ACAD11: variants seen among roughly 807,000 people sequenced by gnomAD.
ACAD11 encodes the protein acyl-Coenzyme A dehydrogenase family, member 11.
A neutral mutation model predicts 102.2 loss-of-function variants in ACAD11; 83 were observed. The ratio of observed to expected loss-of-function variants is 0.81; its 90% confidence interval spans 0.68 to 0.97. The LOEUF is 0.97. Ranked by LOEUF, ACAD11 falls within the 50% of genes least tolerant of loss-of-function variation. The probability of loss-of-function intolerance (pLI) is 0.00; values close to 1 mark genes in which losing one functional copy is unlikely to be tolerated. For missense variants in ACAD11, 901 were observed against 951.7 expected (o/e 0.95, Z 0.70); for synonymous variants, 324 against 319.8 (o/e 1.01, Z -0.14).
rs201936885 is a variant in ACAD11 at position 132,641,546 on chromosome 3, AATG to A, written c.537+423_537+425del. On this transcript the variant is annotated intron_variant, in intron 4 of 19. Transcript: ENST00000264990. ...GCAACAGAGGGAGACTCTGTCTCAA[AATG>A]ATGATGATGATGAAGAAGAAGAAGA... Among the ~76,000 whole-genome samples, 55 of 131,604 alleles carry A rather than the reference AATG, an allele frequency of 4.2e-4. 1 individual carries two copies. Among genetic ancestry groups the A allele is most frequent in the Non-Finnish European group, 7.0e-4 (45 of 63,836 alleles). The allele number at this position is 131,604 out of a possible 152,430, so 86.3% of individuals were successfully genotyped here. A position where few individuals can be genotyped will look rare whatever the true frequency, so the allele number is the denominator to read the frequency against.
intron 15 of ACAD11, 66 bp downstream of exon 15, chr3:132,578,730 T>C: frequency 1.3e-6 from 2 of 1,541,674 alleles, no homozygotes; most frequent in Non-Finnish European, 1.8e-6. Flanking sequence ...GCTATTGCCT[T>C]CAATGTTACT....
chr3:132,648,552 A>G (rs1263160339), intron 1 of ACAD11: 2 of 152,054 alleles, frequency 1.3e-5, no homozygotes, highest in Non-Finnish European at 2.9e-5. Flanking sequence ...GGAACTGGAA[A>G]AAAAAAAAAG....
intron 17 of ACAD11, among the ~76,000 whole-genome samples, chr3:132,568,464 T>C (rs1403693574): frequency 6.6e-6 from 1 of 152,132 alleles, no homozygotes; most frequent in East Asian, 1.9e-4. Flanking sequence ...AGTAAAGATA[T>C]CAATTTTTCT....
At position 132,600,227 on chromosome 3, in the gene ACAD11, T is replaced by C. The variant is rs574430457; in HGVS notation, c.1621+3002A>G. ...AACTAATCTTGGGGTCATATTCCAATGTGGCTCCCATTAAAGCATTTCAAA... is the reference window on the plus strand; with the variant it reads ...AACTAATCTTGGGGTCATATTCCAACGTGGCTCCCATTAAAGCATTTCAAA... On this transcript the variant is annotated intron_variant, in intron 13 of 19. Transcript: ENST00000264990. Among the ~76,000 whole-genome samples, 36 of 152,342 alleles carry C rather than the reference T, an allele frequency of 2.4e-4. No individual in the cohort carries two copies. The South Asian group carries it at 2.9e-3, about 12-fold the overall frequency.
At chr3:132,594,576 T>G (rs541117939) in intron 13 of ACAD11, among the ~76,000 whole-genome samples, 1 of 152,168 alleles carries the variant, frequency 6.6e-6, no homozygotes, top group Admixed American at 6.6e-5. Flanking sequence ...ATAAGATAGC[T>G]ATGGAAGATA....
chr3:132,578,757 C>T (rs199733640), intron 15 of ACAD11, 39 bp downstream of exon 15: 2 of 1,604,988 alleles, frequency 1.2e-6, no homozygotes, highest in Non-Finnish European at 8.5e-7. Flanking sequence ...TCTAGCCTTC[C>T]TGCTTGCTAA....
chr3:132,563,897 T>C (rs11928626), intron 17 of ACAD11, among the ~76,000 whole-genome samples: 3,540 of 152,298 alleles, frequency 0.023, 133 homozygotes, highest in African/African-American at 0.08. Flanking sequence ...TCATTAAGTA[T>C]GATGTTAGAT....
At chr3:132,658,657 T>C (rs1937947758) in intron 1 of ACAD11, among the ~76,000 whole-genome samples, 1 of 152,210 alleles carries the variant, frequency 6.6e-6, no homozygotes, top group Admixed American at 6.5e-5. Context: ...TCTTCCAATA[T>C]CTATTGGGAC....
chr3:132,578,176 T>G (rs148039699), intron 15 of ACAD11, among the ~76,000 whole-genome samples: 11 of 152,184 alleles, frequency 7.2e-5, no homozygotes, highest in African/African-American at 2.4e-4. Flanking sequence ...CTGGCCAACA[T>G]GGTGAAAGCC....
rs556926838 is a variant in ACAD11 at position 132,628,926 on chromosome 3, G to C, written c.964-480C>G. On this transcript the variant is annotated intron_variant, in intron 7 of 19. Transcript: ENST00000264990. ...AACAGTGTTAGTTGAATGCTAATCA[G>C]TGTTTCTTTGATAATTCTCCATTTC... is the stretch of plus-strand genomic sequence containing the variant. Among the ~76,000 whole-genome samples the C allele has an allele frequency of 3.3e-5, 5 of 152,260 alleles. No individual in the cohort carries two copies. The South Asian group carries it at 1.0e-3, about 32-fold the overall frequency.
rs113436275 is a variant in ACAD11 at position 132,575,783 on chromosome 3, A to G, written c.1990T>C (p.Leu664=). The change falls in exon 17 of 20, where the codon TTG becomes CTG. Residue 664 remains leucine, a synonymous_variant. Coordinates refer to ENST00000264990, the MANE Select transcript of ACAD11 (RefSeq NM_032169.5). ...GTAATCGTCCTCACATGTGCATACA[A>G]CTTCTTCTTGAAAGCTATCCTTTGT... ...ATQRIAFKKK[L]YAHEVVAHWI... 206 of 1,613,994 alleles carry G rather than the reference A, an allele frequency of 1.3e-4. 3 individuals are homozygous for G. In the South Asian group the frequency reaches 1.3e-3, roughly 10 times the overall value.
At chr3:132,646,848 CTACA>C (rs1227102713) in intron 1 of ACAD11, among the ~76,000 whole-genome samples, 5 of 152,136 alleles carry the variant, frequency 3.3e-5, no homozygotes, top group African/African-American at 1.2e-4. Flanking sequence ...TCACAAAAGA[CTACA>C]TATTATGTGA....
At chr3:132,623,239 G>A (rs564990410) in intron 9 of ACAD11, among the ~76,000 whole-genome samples, 77 of 152,128 alleles carry the variant, frequency 5.1e-4, no homozygotes, top group Middle Eastern at 3.4e-3. Flanking sequence ...GTCATGAAGC[G>A]TCTCAGTGGT....
At chr3:132,617,938 C>T (rs571237809) in intron 11 of ACAD11, among the ~76,000 whole-genome samples, 1 of 152,228 alleles carries the variant, frequency 6.6e-6, no homozygotes, top group East Asian at 1.9e-4. Flanking sequence ...AAGAAATCAC[C>T]TTATATAAGT....
chr3:132,582,335 C>T (rs975766394), intron 13 of ACAD11, among the ~76,000 whole-genome samples: 1 of 131,810 alleles, frequency 7.6e-6, no homozygotes, highest in African/African-American at 3.1e-5. Context: ...CAAACAGAAA[C>T]TGTTAAAAAA....
In ACAD11 at chr3:132,652,875, T is replaced by C. The variant is rs1937609276; in HGVS notation, c.149+6728A>G. ...CTGCCGTGTCAAAGTTCAAAACATG[T>C]CTCTGAAGCAAGGATAATGAAAATT... is the stretch of plus-strand genomic sequence containing the variant. On this transcript the variant is annotated intron_variant, in intron 1 of 19. Coordinates refer to ENST00000264990, the MANE Select transcript of ACAD11 (RefSeq NM_032169.5). Among the ~76,000 whole-genome samples, 3 of 152,100 alleles carry C rather than the reference T, an allele frequency of 2.0e-5. No homozygotes were observed. The South Asian group carries it at 6.2e-4, about 32-fold the overall frequency.
At position 132,624,310 on chromosome 3, in the gene ACAD11, GA is replaced by G. The variant is rs60100904; in HGVS notation, c.1197+2380del. On this transcript the variant is annotated intron_variant, in intron 9 of 19. Coordinates refer to ENST00000264990, the MANE Select transcript of ACAD11 (RefSeq NM_032169.5). ...CACAGCAAGACCCTGTCTCTTGAAG[GA>G]AAAAAAAAAAAAAGGCCGGGCGTGG... Among the ~76,000 whole-genome samples the G allele has an allele frequency of 3.3e-3, 429 of 128,910 alleles. 1 individual carries two copies. The highest frequency in any genetic ancestry group is 7.7e-3 in the Middle Eastern group (2 of 260). 84.6% of individuals were successfully genotyped at this position (128,910 alleles called of 152,430 possible).
At chr3:132,635,302 A>G (rs929384769) in intron 5 of ACAD11, among the ~76,000 whole-genome samples, 3 of 152,034 alleles carry the variant, frequency 2.0e-5, no homozygotes, top group South Asian at 4.2e-4. Flanking sequence ...TATGATTTCA[A>G]TATACTATGG....
chr3:132,569,197 G>A (rs1392025295), intron 17 of ACAD11, among the ~76,000 whole-genome samples: 1 of 152,044 alleles, frequency 6.6e-6, no homozygotes, highest in Non-Finnish European at 1.5e-5. Flanking sequence ...ATGAACCAAA[G>A]AGGACATAAG....
Sources: allele counts gnomAD v4.1 joint callset (sites outside exome capture counted in the v4.1 genomes callset), GRCh38; gene constraint gnomAD v4.1.1; transcripts MANE v1.5; gene names NCBI Gene and HGNC (gene_info 2026-07-23, HGNC 2026-07-21).